ABCC6: variants seen among roughly 807,000 people sequenced by gnomAD.
ABCC6 encodes the protein ATP-binding cassette sub-family C member 6.
ABCC6 carries 126 observed loss-of-function variants against 169.5 expected under a neutral mutation model. The ratio of observed to expected loss-of-function variants is 0.74; its 90% confidence interval spans 0.64 to 0.86. ABCC6 has a LOEUF of 0.86. Among genes scored for constraint, ABCC6 ranks in the 40% least tolerant of loss-of-function variants. The probability of loss-of-function intolerance (pLI) is 0.00; values close to 1 mark genes in which losing one functional copy is unlikely to be tolerated. For synonymous variants in ABCC6, 752 were observed against 814.7 expected (o/e 0.92, Z 1.31); for missense variants, 1,733 against 1,927.2 (o/e 0.90, Z 1.89).
At position 16,159,578 on chromosome 16, in the gene ABCC6, G is replaced by A. The variant is rs754104618; in HGVS notation, c.3639C>T (p.Thr1213=). 2.2e-5 allele frequency: 35 copies of A among 1,613,976 alleles called. No individual in the cohort carries two copies. In the East Asian group the frequency reaches 7.8e-4, roughly 36 times the overall value. Reference sequence around the variant, plus strand: ...TGCGAACAACCCACTGCAGTGTCTGGGTCACCTGGTGCAAGAAAGCCTCTC... The same window carrying A: ...TGCGAACAACCCACTGCAGTGTCTGAGTCACCTGGTGCAAGAAAGCCTCTC... ...GFSVSAALQV[T]QTLQWVVRNW... The change falls in exon 26 of 31, where the codon ACC becomes ACT. Residue 1213 remains threonine, a synonymous_variant. Transcript: ENST00000205557.
intron 6 of ABCC6, among the ~76,000 whole-genome samples, chr16:16,209,775 G>GT (rs2048534085): frequency 6.6e-6 from 1 of 151,566 alleles, no homozygotes; most frequent in African/African-American, 2.4e-5. Context: ...TAATTTTTGT[G>GT]TTTTTGGATG....
chr16:16,213,558 CTTTTTTT>C (rs61603385), intron 5 of ABCC6, among the ~76,000 whole-genome samples: 1 of 72,390 alleles, frequency 1.4e-5, no homozygotes. Flanking sequence ...CTTTTTCCTT[CTTTTTTT>C]TTTTTTTTTT....
At chr16:16,164,072 C>T (rs1409537370) in intron 23 of ABCC6, among the ~76,000 whole-genome samples, 2 of 152,106 alleles carry the variant, frequency 1.3e-5, no homozygotes, top group East Asian at 3.9e-4. Context: ...CTCTCTCTGT[C>T]ACCCAGGCTG....
intron 6 of ABCC6, among the ~76,000 whole-genome samples, chr16:16,211,458 G>T (rs2048619192): frequency 6.6e-6 from 1 of 152,152 alleles, no homozygotes; most frequent in Non-Finnish European, 1.5e-5. Context: ...CCTGTTCTAA[G>T]TGCTTTACAG....
chr16:16,154,793 T>A lies in ABCC6; in HGVS notation c.4043A>T (p.Asp1348Val). ...CAGAGAGCCAGGGAACAGGATGGGG[T>A]CCTGGCGGGGAGGGGCGGTGGGTCA... is the stretch of plus-strand genomic sequence containing the variant. ...LRSRISIIPQDPILFPGSLRM... is the reference protein window; with the variant it reads ...LRSRISIIPQVPILFPGSLRM... The change falls in exon 29 of 31, where the codon GAC becomes GTC. Residue 1348 changes from aspartate (D) to valine (V), a missense_variant and splice_region_variant. This residue lies in a region of ABCC6 where 1,601 missense variants were observed against 1,635.5 expected (regional missense o/e 0.98). Coordinates refer to ENST00000205557, the MANE Select transcript of ABCC6 (RefSeq NM_001171.6). The A allele has an allele frequency of 6.2e-7, 1 of 1,611,438 alleles. No homozygotes were observed. Among genetic ancestry groups the A allele is most frequent in the Non-Finnish European group, 8.5e-7 (1 of 1,179,036 alleles).
chr16:16,208,547 T>C (rs543162725), intron 7 of ABCC6, among the ~76,000 whole-genome samples, 181 bp downstream of exon 7: 2,246 of 152,154 alleles, frequency 0.015, 53 homozygotes, highest in African/African-American at 0.051. Flanking sequence ...CTAATTTTTC[T>C]ATTTTTAGCA....
chr16:16,187,717 C>T (rs889472850), intron 13 of ABCC6, among the ~76,000 whole-genome samples: 2 of 151,958 alleles, frequency 1.3e-5, no homozygotes, highest in Admixed American at 6.6e-5. Flanking sequence ...CATAGCAAGA[C>T]TCTTTGTTTC....
intron 20 of ABCC6, among the ~76,000 whole-genome samples, chr16:16,175,693 A>G (rs2047256112): frequency 6.6e-6 from 1 of 152,194 alleles, no homozygotes. Context: ...CATATTGTTC[A>G]TTCCATGAAC....
At chr16:16,193,009 A>G (rs1202751583) in intron 10 of ABCC6, 87 bp from the exon 11 acceptor site, 5 of 1,131,268 alleles carry the variant, frequency 4.4e-6, no homozygotes, top group Admixed American at 1.9e-5. Flanking sequence ...CATCTTGAAT[A>G]GGGACTGGGT....
At chr16:16,162,963 C>T (rs758158455) in intron 24 of ABCC6, 30 bp downstream of exon 24, 2 of 1,613,742 alleles carry the variant, frequency 1.2e-6, no homozygotes, top group East Asian at 2.2e-5. Context: ...GGATGAATTG[C>T]AAGGTCTTCT....
Position 16,150,228 on chromosome 16 carries a change from C to T in ABCC6, c.4417G>A (p.Asp1473Asn), listed in dbSNP as rs1434006743. Residue 1473 changes from aspartate to asparagine, a missense_variant, in exon 31 of 31, where the codon GAC becomes AAC. Physicochemically the swap from Asp to Asn is conservative, Grantham distance 23. Coordinates refer to ENST00000205557, the MANE Select transcript of ABCC6 (RefSeq NM_001171.6). Reference sequence around the variant, plus strand: ...CCGCTCTCTGCCACCTGCCCCTTGTCCATGACCAGAACCCTGTGGGGGAGA... The same window carrying T: ...CCGCTCTCTGCCACCTGCCCCTTGTTCATGACCAGAACCCTGTGGGGGAGA... ...VMDCARVLVM[D>N]KGQVAESGSP... 6.2e-7 allele frequency: 1 copy of T among 1,614,054 alleles called. No homozygotes were observed. The highest frequency in any genetic ancestry group is 8.5e-7 in the Non-Finnish European group (1 of 1,180,030).
chr16:16,176,272 TC>T (rs1217500525), intron 19 of ABCC6, among the ~76,000 whole-genome samples: 8 of 152,146 alleles, frequency 5.3e-5, no homozygotes, highest in African/African-American at 1.7e-4. Context: ...TACCTCTGTT[TC>T]CCCCAACAGC....
intron 19 of ABCC6, 65 bp from the exon 20 acceptor site, chr16:16,176,051 T>A: frequency 6.6e-7 from 1 of 1,503,848 alleles, no homozygotes; most frequent in Non-Finnish European, 9.3e-7. Context: ...ACCCACTGAC[T>A]ATGTGGCCTT....
chr16:16,202,078 C>T lies in ABCC6; in HGVS notation c.1099G>A (p.Glu367Lys). 1 of 1,614,006 alleles carries T rather than the reference C, an allele frequency of 6.2e-7. No individual in the cohort carries two copies. Among genetic ancestry groups the T allele is most frequent in the Non-Finnish European group, 8.5e-7 (1 of 1,179,886 alleles). ...TTGAGCCTGTACATGTTCTGCTGCT[C>T]AAACAGCGTTTGCAGGCAGGCTGAG... ...FLSACLQTLF[E>K]QQNMYRLKVL... Residue 367 changes from glutamate to lysine, a missense_variant, in exon 9 of 31, where the codon GAG becomes AAG. Physicochemically the swap from Glu to Lys is moderately conservative, Grantham distance 56. This residue lies in a region of ABCC6 where 1,601 missense variants were observed against 1,635.5 expected (regional missense o/e 0.98). Coordinates refer to ENST00000205557, the MANE Select transcript of ABCC6 (RefSeq NM_001171.6).
Position 16,162,985 on chromosome 16 carries a change from C to T in ABCC6, c.3506+8G>A. On this transcript the variant is annotated splice_region_variant and intron_variant, in intron 24 of 30. Coordinates refer to ENST00000205557, the MANE Select transcript of ABCC6 (RefSeq NM_001171.6). ...TTGCAAGGTCTTCTCTGCCCTGGCT[C>T]TTCCTACCTGTCAGCCACCAGTCGC... 1 of 1,614,098 alleles carries T rather than the reference C, an allele frequency of 6.2e-7. No homozygotes were observed. The highest frequency in any genetic ancestry group is 8.5e-7 in the Non-Finnish European group (1 of 1,180,030).
At chr16:16,196,951 C>T (rs1244177220) in intron 10 of ABCC6, among the ~76,000 whole-genome samples, 3 of 152,074 alleles carry the variant, frequency 2.0e-5, no homozygotes, top group African/African-American at 7.2e-5. Flanking sequence ...CCTCACCCCC[C>T]AAATTGCTGA....
At chr16:16,179,791 A>C (rs899885245) in intron 17 of ABCC6, among the ~76,000 whole-genome samples, 3 of 152,184 alleles carry the variant, frequency 2.0e-5, no homozygotes, top group Admixed American at 6.5e-5. Context: ...GGGTTTCACC[A>C]TGGTGGCCAG....
At chr16:16,184,198 CAAAAAAAAAAAAAAAAA>C (rs56071235) in intron 15 of ABCC6, 14 of 71,942 alleles carry the variant, frequency 1.9e-4, no homozygotes, top group Admixed American at 9.8e-4. Context: ...GACTCCGTTT[CAAAAAAAAAAAAAAAAA>C]AAAAAAAAAA....
intron 20 of ABCC6, among the ~76,000 whole-genome samples, chr16:16,174,763 C>G (rs1024219059): frequency 9.3e-5 from 12 of 129,146 alleles, no homozygotes; most frequent in South Asian, 3.8e-4. Flanking sequence ...TCTCAAAACC[C>G]CCCCCCGCAA....
Sources: allele counts gnomAD v4.1 joint callset (sites outside exome capture counted in the v4.1 genomes callset), GRCh38; gene constraint gnomAD v4.1.1; regional missense constraint gnomAD v4.1.1; transcripts MANE v1.5; gene names NCBI Gene and HGNC (gene_info 2026-07-23, HGNC 2026-07-21).